MINPP1: variants seen among roughly 807,000 people sequenced by gnomAD.
MINPP1 encodes the protein multiple inositol-polyphosphate phosphatase 1, also known as multiple inositol polyphosphate phosphatase 1.
In MINPP1, 28 loss-of-function variants were observed where a neutral mutation model predicts 46.1. The ratio of observed to expected loss-of-function variants is 0.61; its 90% CI spans 0.45 to 0.83. The LOEUF (loss-of-function observed/expected upper bound fraction) is 0.83, where lower values mean the gene tolerates loss of function less well. MINPP1 is among the 40% of genes least tolerant of loss of function. The pLI is 0.00. For missense variants in MINPP1, 603 were observed against 610.0 expected, an observed-to-expected ratio of 0.99 and a Z score of 0.12; for synonymous variants, 268 against 249.1, an observed-to-expected ratio of 1.08 and a Z score of -0.72.
intron 2 of MINPP1, among the ~76,000 whole-genome samples, chr10:87,512,239 A>T (rs1398226966): frequency 6.6e-6 from 1 of 152,200 alleles, no homozygotes; most frequent in Non-Finnish European, 1.5e-5. Context: ...CAATACCCAT[A>T]TGTATCTCAA....
intron 4 of MINPP1, among the ~76,000 whole-genome samples, chr10:87,549,150 T>TA (rs1292455703): frequency 6.6e-6 from 1 of 152,022 alleles, no homozygotes; most frequent in Non-Finnish European, 1.5e-5. Flanking sequence ...AGTAAGGCAG[T>TA]AAAAAAAGGG....
At chr10:87,508,121 T>C in intron 1 of MINPP1, 2 of 1,524,138 alleles carry the variant, frequency 1.3e-6, no homozygotes, top group South Asian at 2.5e-5. Context: ...CAATCTCTAT[T>C]TCTTTAGCCT....
At chr10:87,510,281 T>C (rs553520144) in intron 2 of MINPP1, among the ~76,000 whole-genome samples, 5 of 152,380 alleles carry the variant, frequency 3.3e-5, no homozygotes, top group Non-Finnish European at 4.4e-5. Flanking sequence ...GGGGTGATGC[T>C]ATATGTATTT....
rs1851413994 is a variant in MINPP1, at chr10:87,516,413, A to G, written c.933+3192A>G. 1.9e-5 allele frequency among the ~76,000 whole-genome samples: 2 copies of G among 105,136 alleles called. 1 individual carries two copies. 69.0% of individuals were successfully genotyped at this position (105,136 alleles called of 152,430 possible). A position where few individuals can be genotyped will look rare whatever the true frequency, so the allele number is the denominator to read the frequency against. ...AGTTATGGTGGGGTTGCATCCAGAT[A>G]AACCCATGGTAGATTGAATATCTTA... On this transcript the variant is annotated intron_variant, in intron 3 of 4. Coordinates refer to ENST00000371996, the MANE Select transcript of MINPP1 (RefSeq NM_004897.5).
At chr10:87,551,179 T>A (rs1851957705) in intron 4 of MINPP1, among the ~76,000 whole-genome samples, 1 of 151,982 alleles carries the variant, frequency 6.6e-6, no homozygotes, top group Non-Finnish European at 1.5e-5. Context: ...ATCTGCTTGC[T>A]GTGTTTGTGT....
rs1354340178 is a variant in MINPP1, at chr10:87,552,586, A to G, written c.*108A>G. ...CAGGAAGCTTTTATATTACTTGAGTATTTCTGTCTTTTCACAGAAAAACAT... is the reference window on the plus strand; with the variant it reads ...CAGGAAGCTTTTATATTACTTGAGTGTTTCTGTCTTTTCACAGAAAAACAT... On this transcript the variant is annotated 3_prime_UTR_variant, in exon 5 of 5. Transcript: ENST00000371996. 8.9e-7 allele frequency: 1 copy of G among 1,128,586 alleles called. No homozygotes were observed. The highest frequency in any genetic ancestry group is 2.4e-5 in the East Asian group (1 of 41,822). The allele number at this position is 1,128,586 out of a possible 1,614,324, so 69.9% of individuals were successfully genotyped here.
intron 4 of MINPP1, among the ~76,000 whole-genome samples, chr10:87,530,385 G>A (rs994939501): frequency 6.6e-6 from 1 of 152,128 alleles, no homozygotes; most frequent in Non-Finnish European, 1.5e-5. Context: ...GTACAGATGG[G>A]GTTTTGGTGT....
chr10:87,540,495 TCACA>T (rs3062345), intron 4 of MINPP1, among the ~76,000 whole-genome samples: 59,826 of 148,822 alleles, frequency 0.4, 12,284 homozygotes, highest in East Asian at 0.53. Flanking sequence ...TCTCTCTCTG[TCACA>T]CACACACACA....
chr10:87,552,134 C>A lies in MINPP1; in HGVS notation c.1120C>A (p.Leu374Ile), dbSNP rs758958393. Residue 374 changes from leucine (L) to isoleucine (I), a missense_variant, in exon 5 of 5, where the codon CTT (leucine) becomes ATT (isoleucine). This residue lies in a region of MINPP1 where 344 missense variants were observed against 381.1 expected (regional missense o/e 0.90). Coordinates refer to ENST00000371996, the MANE Select transcript of MINPP1 (RefSeq NM_004897.5). ...CCTCCAGTTTGGTCATGCAGAGACTCTTCTTCCACTGCTTTCTCTCATGGG... is the reference window on the plus strand; with the variant it reads ...CCTCCAGTTTGGTCATGCAGAGACTATTCTTCCACTGCTTTCTCTCATGGG... ...VILQFGHAET[L>I]LPLLSLMGYF... 5 of 1,613,562 alleles carry A rather than the reference C, an allele frequency of 3.1e-6. No individual in the cohort carries two copies. Among genetic ancestry groups the A allele is most frequent in the Non-Finnish European group, 3.4e-6 (4 of 1,179,654 alleles).
chr10:87,522,456 C>T (rs1182310264), intron 4 of MINPP1, among the ~76,000 whole-genome samples: 1 of 151,924 alleles, frequency 6.6e-6, no homozygotes, highest in Non-Finnish European at 1.5e-5. Flanking sequence ...AGTTCAATTC[C>T]AGACCACTGC....
At chr10:87,528,246 G>A (rs61853074) in intron 4 of MINPP1, among the ~76,000 whole-genome samples, 2,285 of 152,100 alleles carry the variant, frequency 0.015, 27 homozygotes, top group Middle Eastern at 0.048. Flanking sequence ...CTTGCCTTCT[G>A]CTAGCTTTTG....
At chr10:87,531,141 G>A (rs1359132839) in intron 4 of MINPP1, among the ~76,000 whole-genome samples, 8 of 152,164 alleles carry the variant, frequency 5.3e-5, no homozygotes, top group East Asian at 3.8e-4. Context: ...CCCTGACCCC[G>A]TGCGCTTCCC....
At chr10:87,506,328 C>G (rs1851249557) in intron 1 of MINPP1, among the ~76,000 whole-genome samples, 1 of 152,024 alleles carries the variant, frequency 6.6e-6, no homozygotes, top group African/African-American at 2.4e-5. Context: ...GTCTAGTATC[C>G]AAGTCTTCTG....
intron 4 of MINPP1, among the ~76,000 whole-genome samples, chr10:87,525,779 C>G (rs117434565): frequency 6.6e-6 from 1 of 152,200 alleles, no homozygotes; most frequent in Non-Finnish European, 1.5e-5. Context: ...TTGTTCAGTT[C>G]CCACCTATGA....
At chr10:87,517,073 A>G (rs1249457764) in intron 3 of MINPP1, among the ~76,000 whole-genome samples, 1 of 152,104 alleles carries the variant, frequency 6.6e-6, no homozygotes, top group Non-Finnish European at 1.5e-5. Flanking sequence ...AGGGCAGAGG[A>G]TGGGAAGAGA....
At position 87,530,902 on chromosome 10, in the gene MINPP1, GT is replaced by G. The variant is rs368003822; in HGVS notation, c.1067+9734del. 1.2e-4 allele frequency among the ~76,000 whole-genome samples: 19 copies of G among 152,296 alleles called. No individual in the cohort carries two copies. The East Asian group carries it at 2.5e-3, about 20-fold the overall frequency. On this transcript the variant is annotated intron_variant, in intron 4 of 4. Transcript: ENST00000371996. ...TTTACCTACCCAAGCCTCAGCAATG[GT>G]GGACGCCCTTCCCCTAGCCTCACTG...
chr10:87,507,018 A>G (rs908544574), intron 1 of MINPP1, among the ~76,000 whole-genome samples: 6 of 152,230 alleles, frequency 3.9e-5, no homozygotes, highest in African/African-American at 1.4e-4. Context: ...ATATAACACA[A>G]TATCTATAGC....
At position 87,505,098 on chromosome 10, in the gene MINPP1, G is replaced by C. The variant is rs995786383; in HGVS notation, c.183G>C (p.Leu61Phe). ...ACGAGGATGTCAACCCCGTGCTATT[G>C]TCGGGCCCCGAGGCTCCGTGGCGGG... ...TRYEDVNPVL[L>F]SGPEAPWRDP... The change falls in exon 1 of 5, where the codon TTG becomes TTC. Residue 61 changes from leucine (L) to phenylalanine (F), a missense_variant. Physicochemically the swap from Leu to Phe is conservative, Grantham distance 22 (BLOSUM62 0). Transcript: ENST00000371996. The surrounding 1 kb of genome is among the most constrained non-coding windows in gnomAD (Gnocchi z 4.4). 2 of 1,613,396 alleles carry C rather than the reference G, an allele frequency of 1.2e-6. No individual in the cohort carries two copies. Among genetic ancestry groups the C allele is most frequent in the African/African-American group, 2.7e-5 (2 of 74,938 alleles).
chr10:87,517,197 A>G (rs1346154970), intron 3 of MINPP1, among the ~76,000 whole-genome samples: 1 of 152,206 alleles, frequency 6.6e-6, no homozygotes, highest in African/African-American at 2.4e-5. Flanking sequence ...CCATTTATAG[A>G]TTGCTACTTA....
Sources: gnomAD v4.1 joint callset for allele counts (sites outside exome capture counted in the v4.1 genomes callset) on GRCh38, gnomAD v4.1.1 for gene constraint, gnomAD v4.1.1 regional missense constraint, Gnocchi (gnomAD v3.1) non-coding constraint, MANE v1.5 for transcripts, NCBI Gene and HGNC (gene_info 2026-07-23, HGNC 2026-07-21) for gene names.